NAALADL2: variants seen among roughly 807,000 people sequenced by gnomAD.
NAALADL2 encodes inactive N-acetylated-alpha-linked acidic dipeptidase-like protein 2.
In NAALADL2, 76 loss-of-function variants were observed where a neutral mutation model predicts 87.2. The ratio of observed to expected loss-of-function variants is 0.87; its 90% CI spans 0.72 to 1.05. NAALADL2 has a LOEUF of 1.05. Ranked by LOEUF, NAALADL2 falls within the 50% of genes least tolerant of loss-of-function variation. The pLI is 0.00. For synonymous variants in NAALADL2, 354 were observed against 331.0 expected, an observed-to-expected ratio of 1.07 and a Z score of -0.75; for missense variants, 1,089 against 945.8, an observed-to-expected ratio of 1.15 and a Z score of -1.99.
intron 1 of NAALADL2, among the ~76,000 whole-genome samples, chr3:174,990,130 T>A (rs1276137710): frequency 1.3e-5 from 2 of 152,158 alleles, no homozygotes; most frequent in African/African-American, 4.8e-5. Context: ...GTTAGAGAAT[T>A]AAATTTCCGC....
intron 1 of NAALADL2, among the ~76,000 whole-genome samples, chr3:174,868,883 T>C (rs944860693): frequency 6.6e-6 from 1 of 152,242 alleles, no homozygotes; most frequent in South Asian, 2.1e-4. Flanking sequence ...TTAGGAGTTA[T>C]TAAGGCATAA....
intron 10 of NAALADL2, among the ~76,000 whole-genome samples, chr3:175,601,029 A>G (rs896298223): frequency 1.4e-4 from 22 of 152,164 alleles, no homozygotes; most frequent in African/African-American, 5.3e-4. Flanking sequence ...TTCTAATTAC[A>G]ATAAGGAAAA....
intron 1 of NAALADL2, among the ~76,000 whole-genome samples, chr3:174,951,185 G>A (rs1284690382): frequency 6.6e-6 from 1 of 151,956 alleles, no homozygotes; most frequent in Non-Finnish European, 1.5e-5. Context: ...CTTCATATTT[G>A]GAATAATACC....
At position 175,566,155 on chromosome 3, in the gene NAALADL2, T is replaced by C. The variant is rs924887627; in HGVS notation, c.1654-9886T>C. ...ACAAAAGCCTTTTTAAAGCCTTTTT[T>C]CATACTATATTTTACAATCATGGGA... On this transcript the variant is annotated intron_variant, in intron 9 of 13. Transcript: ENST00000454872. Among the ~76,000 whole-genome samples, 4 of 152,146 alleles carry C rather than the reference T, an allele frequency of 2.6e-5. No homozygotes were observed. In the East Asian group the frequency reaches 7.7e-4, roughly 29 times the overall value.
intron 13 of NAALADL2, among the ~76,000 whole-genome samples, chr3:175,757,161 T>G (rs1192846568): frequency 1.3e-5 from 2 of 151,990 alleles, no homozygotes; most frequent in South Asian, 2.1e-4. Context: ...GCCTCCTGCT[T>G]CTTCTCATGA....
intron 11 of NAALADL2, among the ~76,000 whole-genome samples, chr3:175,684,144 G>A (rs529369608): frequency 6.7e-6 from 1 of 148,812 alleles, no homozygotes; most frequent in South Asian, 2.1e-4. Flanking sequence ...TTAGAACATG[G>A]CAATCACTTT....
intron 1 of NAALADL2, among the ~76,000 whole-genome samples, chr3:174,958,521 T>C (rs1404359319): frequency 1.3e-5 from 2 of 152,052 alleles, no homozygotes; most frequent in East Asian, 3.9e-4. Flanking sequence ...CCAATAGTTA[T>C]TGAAATTGAA....
At chr3:175,788,785 T>C (rs1752423958) in intron 13 of NAALADL2, among the ~76,000 whole-genome samples, 1 of 152,198 alleles carries the variant, frequency 6.6e-6, no homozygotes, top group South Asian at 2.1e-4. Flanking sequence ...CTTACTCAAA[T>C]AATTATATGA....
chr3:175,592,927 A>G (rs1424795461), intron 10 of NAALADL2, among the ~76,000 whole-genome samples: 1 of 152,124 alleles, frequency 6.6e-6, no homozygotes, highest in Non-Finnish European at 1.5e-5. Flanking sequence ...AGCTGTTTTG[A>G]TTATGTCCCC....
chr3:175,016,223 T>G (rs1164261198), intron 1 of NAALADL2, among the ~76,000 whole-genome samples: 1 of 149,142 alleles, frequency 6.7e-6, no homozygotes, highest in African/African-American at 2.5e-5. Flanking sequence ...TCTTACCATA[T>G]GTAAGTTTGA....
chr3:175,179,159 T>C (rs1374362604), intron 2 of NAALADL2, among the ~76,000 whole-genome samples: 3 of 152,044 alleles, frequency 2.0e-5, no homozygotes, highest in African/African-American at 7.2e-5. Flanking sequence ...ACACAAAATA[T>C]ACTTCCATTG....
chr3:174,849,301 T>C (rs1724977653), intron 3 of NAALADL2, among the ~76,000 whole-genome samples: 1 of 152,260 alleles, frequency 6.6e-6, no homozygotes, highest in South Asian at 2.1e-4. Flanking sequence ...ATTTTCTTAT[T>C]GATTCTGTTG....
At chr3:175,521,957 A>C (rs1732716140) in intron 9 of NAALADL2, among the ~76,000 whole-genome samples, 1 of 152,210 alleles carries the variant, frequency 6.6e-6, no homozygotes, top group Non-Finnish European at 1.5e-5. Context: ...TCAGGATACT[A>C]TTAGTAAGAA....
Position 175,428,573 on chromosome 3 carries a change from T to C in NAALADL2, c.1091-18656T>C, listed in dbSNP as rs74544712. ...TGGCACTCTCAATCTAGAAGTTTACTAGACTCCTGCTTCTGTCTCAATTCC... is the reference window on the plus strand; with the variant it reads ...TGGCACTCTCAATCTAGAAGTTTACCAGACTCCTGCTTCTGTCTCAATTCC... On this transcript the variant is annotated intron_variant, in intron 5 of 13. Transcript: ENST00000454872. Among the ~76,000 whole-genome samples, 1,255 of 152,214 alleles carry C rather than the reference T, an allele frequency of 8.2e-3. 19 individuals carry two copies. The highest frequency in any genetic ancestry group is 0.028 in the African/African-American group (1,160 of 41,540).
chr3:174,562,499 A>G (rs1223665751), intron 2 of NAALADL2, among the ~76,000 whole-genome samples: 1 of 152,174 alleles, frequency 6.6e-6, no homozygotes. Context: ...TGGTAGAGTA[A>G]GATATCCAGA....
At chr3:175,304,883 T>C (rs1757506854) in intron 4 of NAALADL2, among the ~76,000 whole-genome samples, 1 of 152,160 alleles carries the variant, frequency 6.6e-6, no homozygotes, top group Non-Finnish European at 1.5e-5. Flanking sequence ...ATTAAATAAT[T>C]CCTTTATCAT....
chr3:174,444,519 TAAAGAG>T (rs1035266300), intron 1 of NAALADL2, among the ~76,000 whole-genome samples: 13 of 152,000 alleles, frequency 8.6e-5, no homozygotes, highest in African/African-American at 3.1e-4. Flanking sequence ...GGAGAAGACT[TAAAGAG>T]AAAGTGGAGA....
In NAALADL2 at chr3:175,030,866, CTATT is replaced by C. The variant is rs147944600; in HGVS notation, c.44-65918_44-65915del. Among the ~76,000 whole-genome samples the C allele has an allele frequency of 8.6e-3, 1,301 of 151,940 alleles. 29 individuals carry two copies. The highest frequency in any genetic ancestry group is 0.029 in the African/African-American group (1,219 of 41,474). ...ACAGTTAATGGATTTTGGATTGTAT[CTATT>C]TATTTGTATACAGCCATGCCTGGTT... On this transcript the variant is annotated intron_variant, in intron 1 of 13. Coordinates refer to ENST00000454872, the MANE Select transcript of NAALADL2 (RefSeq NM_207015.3).
chr3:175,449,878 T>A (rs994346849), intron 6 of NAALADL2, among the ~76,000 whole-genome samples: 1 of 152,236 alleles, frequency 6.6e-6, no homozygotes, highest in Admixed American at 6.5e-5. Flanking sequence ...ATTGTTCTCA[T>A]GGATATTGTT....
Sources: allele counts gnomAD v4.1 joint callset (sites outside exome capture counted in the v4.1 genomes callset), GRCh38; gene constraint gnomAD v4.1.1; transcripts MANE v1.5; gene names NCBI Gene and HGNC (gene_info 2026-07-23, HGNC 2026-07-21).